The following XKR4 variants were observed in gnomAD, a reference collection of about 807,000 sequenced individuals.
XKR4 encodes the protein XK related 4, also known as XK-related protein 4.
In XKR4, 12 loss-of-function variants were observed where a neutral mutation model predicts 53.9. The observed-to-expected ratio is 0.22, with a 90% CI of 0.14 to 0.36. XKR4 has a LOEUF of 0.36. XKR4 is among the 10% of genes least tolerant of loss of function. XKR4 has a pLI of 1.00. For synonymous variants in XKR4, 354 were observed against 362.4 expected (o/e 0.98, Z 0.26); for missense variants, 799 against 859.5 (o/e 0.93, Z 0.88).
intron 1 of XKR4, among the ~76,000 whole-genome samples, chr8:55,314,430 A>G (rs1819432830): frequency 6.6e-6 from 1 of 152,070 alleles, no homozygotes; most frequent in African/African-American, 2.4e-5. Flanking sequence ...TCGCTGGGGC[A>G]CCGACCTCAA....
At chr8:55,487,643 A>G (rs1281647110) in intron 2 of XKR4, among the ~76,000 whole-genome samples, 1 of 151,930 alleles carries the variant, frequency 6.6e-6, no homozygotes, top group African/African-American at 2.4e-5. Flanking sequence ...ACTTTTTTGT[A>G]TTTTTAGTAG....
At chr8:55,472,013 A>C (rs1054365005) in intron 2 of XKR4, among the ~76,000 whole-genome samples, 1 of 152,192 alleles carries the variant, frequency 6.6e-6, no homozygotes, top group Non-Finnish European at 1.5e-5. Context: ...TGGTGCATAC[A>C]GGAGAATAAA....
rs1156411415 is a variant in XKR4 at position 55,531,497 on chromosome 8, A to G, written c.*7270A>G. ...ATAATGATGATGAACATAAAGTAAC[A>G]ATACAAATACAAAAAAAAAACTAGA... On this transcript the variant is annotated 3_prime_UTR_variant, in exon 3 of 3. Transcript: ENST00000327381. The G allele has an allele frequency of 6.6e-6, 1 of 152,144 alleles. No homozygotes were observed. Among genetic ancestry groups the G allele is most frequent in the East Asian group, 1.9e-4 (1 of 5,188 alleles). The allele number at this position is 152,144 out of a possible 1,614,324, so 9.4% of individuals were successfully genotyped here.
rs141495363 is a variant in XKR4 at position 55,173,245 on chromosome 8, C to T, written c.806+69951C>T. ...TGCTGACAATTGGATGGGTACTGCA[C>T]GCACACTAAAGTCCGCTCCCAGCAT... is the stretch of plus-strand genomic sequence containing the variant. On this transcript the variant is annotated intron_variant, in intron 1 of 2. Transcript: ENST00000327381. 5.7e-4 allele frequency among the ~76,000 whole-genome samples: 87 copies of T among 152,042 alleles called. No homozygotes were observed. In the East Asian group the frequency reaches 0.016, roughly 29 times the overall value.
At chr8:55,468,900 A>T (rs897848508) in intron 2 of XKR4, among the ~76,000 whole-genome samples, 1 of 152,076 alleles carries the variant, frequency 6.6e-6, no homozygotes, top group Non-Finnish European at 1.5e-5. Context: ...TCAGATTCTG[A>T]CTATGCATTC....
intron 1 of XKR4, among the ~76,000 whole-genome samples, chr8:55,184,609 A>T (rs1254685900): frequency 6.6e-6 from 1 of 152,148 alleles, no homozygotes; most frequent in Non-Finnish European, 1.5e-5. Context: ...GCACAATTAC[A>T]TTGGCTCTTC....
In XKR4 at chr8:55,490,059, A is replaced by T. The variant is rs139876943; in HGVS notation, c.1007-33222A>T. The stretch of plus-strand genomic sequence containing the variant: ...AAGTTTGGAGATCCATTTTATATTT[A>T]CCTAATCTTTACCATTTCTGACACT... On this transcript the variant is annotated intron_variant, in intron 2 of 2. Transcript: ENST00000327381. 3.0e-4 allele frequency among the ~76,000 whole-genome samples: 45 copies of T among 152,244 alleles called. 1 individual carries two copies. Among genetic ancestry groups the T allele is most frequent in the African/African-American group, 1.1e-3 (44 of 41,548 alleles).
intron 1 of XKR4, among the ~76,000 whole-genome samples, chr8:55,247,816 T>C (rs997374294): frequency 1.2e-4 from 18 of 151,566 alleles, no homozygotes; most frequent in Non-Finnish European, 2.7e-4. Flanking sequence ...CCACTTACAT[T>C]ATTAATTTTA....
chr8:55,311,434 AG>A (rs768578942), intron 1 of XKR4, among the ~76,000 whole-genome samples: 1 of 152,220 alleles, frequency 6.6e-6, no homozygotes, highest in Non-Finnish European at 1.5e-5. Flanking sequence ...CCAGCTGAAG[AG>A]AGCATGATAC....
intron 2 of XKR4, among the ~76,000 whole-genome samples, chr8:55,367,165 T>C (rs1804001210): frequency 6.6e-6 from 1 of 152,190 alleles, no homozygotes. Context: ...GTTCTACATG[T>C]GATCACTATT....
At chr8:55,149,225 A>G (rs117245557) in intron 1 of XKR4, among the ~76,000 whole-genome samples, 1 of 152,178 alleles carries the variant, frequency 6.6e-6, no homozygotes, top group African/African-American at 2.4e-5. Flanking sequence ...CCATCCAGCT[A>G]TCCTGATTGT....
chr8:55,467,082 A>G (rs146147235), intron 2 of XKR4, among the ~76,000 whole-genome samples: 3 of 152,136 alleles, frequency 2.0e-5, no homozygotes, highest in Non-Finnish European at 4.4e-5. Context: ...CTGCAATCTC[A>G]TCTGGGCACA....
At chr8:55,320,369 C>T (rs4472490) in intron 1 of XKR4, among the ~76,000 whole-genome samples, 76,192 of 151,960 alleles carry the variant, frequency 0.5, 22,410 homozygotes, top group African/African-American at 0.81. Context: ...AACTTCCTAT[C>T]TGAAGGAAGG....
chr8:55,365,970 T>A (rs898898214), intron 2 of XKR4, among the ~76,000 whole-genome samples: 2 of 150,852 alleles, frequency 1.3e-5, no homozygotes, highest in East Asian at 3.9e-4. Context: ...AGCGAGGGAG[T>A]GGGGCGCACC....
chr8:55,326,474 T>C (rs1803295720), intron 1 of XKR4, among the ~76,000 whole-genome samples: 1 of 148,092 alleles, frequency 6.8e-6, no homozygotes, highest in Non-Finnish European at 1.5e-5. Flanking sequence ...TTTCCTTTTT[T>C]TTTTTTTTTT....
intron 2 of XKR4, among the ~76,000 whole-genome samples, chr8:55,368,210 C>A (rs1189987357): frequency 2.0e-5 from 3 of 152,172 alleles, no homozygotes; most frequent in African/African-American, 7.2e-5. Flanking sequence ...ATCCACCCGC[C>A]TCCCAAAGTG....
chr8:55,344,939 A>G (rs1397628193), intron 1 of XKR4, among the ~76,000 whole-genome samples: 1 of 152,238 alleles, frequency 6.6e-6, no homozygotes, highest in African/African-American at 2.4e-5. Flanking sequence ...CCATAGATAA[A>G]TCTTGTTTTC....
intron 1 of XKR4, among the ~76,000 whole-genome samples, chr8:55,350,738 C>CTTTTTTTTTT (rs1028164969): frequency 2.0e-4 from 24 of 122,432 alleles, no homozygotes; most frequent in Non-Finnish European, 2.6e-4. Flanking sequence ...TTTTTCTTTT[C>CTTTTTTTTTT]TTTTTTTTTT....
At chr8:55,266,760 C>T (rs901927290) in intron 1 of XKR4, among the ~76,000 whole-genome samples, 12 of 152,170 alleles carry the variant, frequency 7.9e-5, no homozygotes, top group African/African-American at 2.9e-4. Context: ...CCCTCTATTC[C>T]TCACCCTGAG....
Sources: gnomAD v4.1 joint callset for allele counts (sites outside exome capture counted in the v4.1 genomes callset) on GRCh38, gnomAD v4.1.1 for gene constraint, MANE v1.5 for transcripts, NCBI Gene and HGNC (gene_info 2026-07-23, HGNC 2026-07-21) for gene names.